IGSF10: variants seen among roughly 807,000 people sequenced by gnomAD.
IGSF10 encodes calvaria mechanical force protein 608.
Under a neutral mutation model 128.2 loss-of-function variants are expected in IGSF10, and 126 were observed. The observed-to-expected ratio is 0.98, with a 90% CI of 0.85 to 1.14. The LOEUF (loss-of-function observed/expected upper bound fraction) is 1.14. IGSF10 is among the 50% of genes most tolerant of loss of function. The probability of loss-of-function intolerance (pLI) is 0.00; values close to 1 mark genes in which losing one functional copy is unlikely to be tolerated. For missense variants in IGSF10, 3,295 were observed against 3,149.8 expected, an observed-to-expected ratio of 1.05 and a Z score of -1.10; for synonymous variants, 1,185 against 1,146.2, an observed-to-expected ratio of 1.03 and a Z score of -0.68.
the IGSF10 span, among the ~76,000 whole-genome samples, chr3:151,533,667 AG>A: frequency 6.6e-6 from 1 of 152,216 alleles, no homozygotes; most frequent in Non-Finnish European, 1.5e-5. Context: ...GATAGATTAA[AG>A]ACTTACACGT....
chr3:151,449,269 GA>G lies in IGSF10; in HGVS notation c.716-5del, dbSNP rs759392335. On this transcript the variant is annotated splice_region_variant and splice_polypyrimidine_tract_variant and intron_variant, in intron 5 of 7. Transcript: ENST00000282466. ...TCTTTTTTGCATTTTATTACATCTG[GA>G]AAAAAATCACAATTGAATTATCAGT... 6.4e-6 allele frequency: 10 copies of G among 1,556,934 alleles called. No homozygotes were observed. The highest frequency in any genetic ancestry group is 1.7e-4 in the Middle Eastern group (1 of 5,826).
At chr3:151,459,170 A>G (rs965779500) in intron 2 of IGSF10, among the ~76,000 whole-genome samples, 1 of 152,236 alleles carries the variant, frequency 6.6e-6, no homozygotes, top group Non-Finnish European at 1.5e-5. Flanking sequence ...AAGGAAAAAA[A>G]TTACTCAATC....
At chr3:151,496,204 AT>A in the IGSF10 span, among the ~76,000 whole-genome samples, 2 of 150,500 alleles carry the variant, frequency 1.3e-5, no homozygotes, top group African/African-American at 2.5e-5. Flanking sequence ...CTGAAGCAGT[AT>A]TTTTTTTTAT....
rs748186005 is a variant in IGSF10 at position 151,453,760 on chromosome 3, G to A, written c.339C>T (p.Ser113=). 4.5e-6 allele frequency: 7 copies of A among 1,541,294 alleles called. No homozygotes were observed. The South Asian group carries it at 8.6e-5, about 19-fold the overall frequency. ...DLQALQVLKM[S]YNKVRKLQKD... Reference sequence around the variant, plus strand: ...TCTGAAGTTTTCGGACTTTATTATAGCTCATTTTTAAGACCTATGAATTAA... The same window carrying A: ...TCTGAAGTTTTCGGACTTTATTATAACTCATTTTTAAGACCTATGAATTAA... Residue 113 remains serine (S), a synonymous_variant, in exon 5 of 8, where the codon AGC becomes AGT. Transcript: ENST00000282466.
chr3:151,448,141 C>A lies in IGSF10; in HGVS notation c.1840G>T (p.Val614Leu), dbSNP rs140221752. The A allele has an allele frequency of 6.2e-6, 10 of 1,613,998 alleles. No individual in the cohort carries two copies. The African/African-American group carries it at 1.3e-4, about 22-fold the overall frequency. Residue 614 changes from valine to leucine, a missense_variant, in exon 6 of 8, where the codon GTG (valine) becomes TTG (leucine). Transcript: ENST00000282466. ...SISWVIPGNN[V>L]LYQSSRDKKV... The stretch of plus-strand genomic sequence containing the variant: ...TTGTCTCTTGATGACTGATAGAGCA[C>A]ATTGTTTCCTGGAATAACCCAGCTA...
the IGSF10 span, among the ~76,000 whole-genome samples, chr3:151,484,061 C>T: frequency 2.0e-5 from 3 of 152,220 alleles, no homozygotes; most frequent in African/African-American, 4.8e-5. Context: ...GCTTGAAATT[C>T]TCATGCCAGC....
chr3:151,468,910 C>G, the IGSF10 span, among the ~76,000 whole-genome samples: 1 of 152,086 alleles, frequency 6.6e-6, no homozygotes. Context: ...TGCCTAGGCC[C>G]CAGTGTATGT....
chr3:151,547,429 T>TACACAC, the IGSF10 span, among the ~76,000 whole-genome samples: 1,113 of 146,942 alleles, frequency 7.6e-3, 12 homozygotes, highest in African/African-American at 0.026. Context: ...AATATATATA[T>TACACAC]ACACACACAC....
the IGSF10 span, among the ~76,000 whole-genome samples, chr3:151,590,008 A>C: frequency 1.3e-5 from 2 of 152,064 alleles, no homozygotes; most frequent in Non-Finnish European, 2.9e-5. Context: ...TTTTGGGAAA[A>C]AGAGTGAATG....
At chr3:151,614,340 T>A in the IGSF10 span, among the ~76,000 whole-genome samples, 8 of 152,198 alleles carry the variant, frequency 5.3e-5, no homozygotes, top group African/African-American at 1.9e-4. Context: ...CAAAGGACTA[T>A]AAATCATGCT....
chr3:151,546,186 A>T, the IGSF10 span, among the ~76,000 whole-genome samples: 1 of 151,988 alleles, frequency 6.6e-6, no homozygotes, highest in Admixed American at 6.6e-5. Flanking sequence ...CATTAAGCAA[A>T]AATCTCTGTT....
the IGSF10 span, among the ~76,000 whole-genome samples, chr3:151,602,226 A>T: frequency 6.6e-6 from 1 of 152,212 alleles, no homozygotes; most frequent in Non-Finnish European, 1.5e-5. Context: ...AGCATTCGAT[A>T]TCATTACATA....
chr3:151,556,977 A>T, the IGSF10 span, among the ~76,000 whole-genome samples: 29 of 152,228 alleles, frequency 1.9e-4, no homozygotes, highest in African/African-American at 7.0e-4. Context: ...TGTGAGGAAA[A>T]TGTTTATTTG....
intron 6 of IGSF10, 123 bp downstream of exon 6, chr3:151,444,796 A>T: frequency 1.2e-6 from 1 of 815,720 alleles, no homozygotes; most frequent in Non-Finnish European, 1.9e-6. Flanking sequence ...GGATATTAAT[A>T]GTTTCTTTGT....
the IGSF10 span, among the ~76,000 whole-genome samples, chr3:151,509,131 ACTTTAGAATCACAT>A: frequency 6.6e-6 from 1 of 152,210 alleles, no homozygotes; most frequent in Admixed American, 6.5e-5. Context: ...GTATCTGTTA[ACTTTAGAATCACAT>A]CATTTGGACT....
At chr3:151,476,890 TA>T in the IGSF10 span, among the ~76,000 whole-genome samples, 2 of 152,264 alleles carry the variant, frequency 1.3e-5, no homozygotes, top group South Asian at 2.1e-4. Flanking sequence ...TTAACCACCC[TA>T]GGAGTTGTGT....
At chr3:151,524,215 G>A in the IGSF10 span, among the ~76,000 whole-genome samples, 4 of 152,152 alleles carry the variant, frequency 2.6e-5, no homozygotes, top group Non-Finnish European at 5.9e-5. Context: ...GTGGAAAGAA[G>A]CATAGTGATT....
chr3:151,558,008 A>ATATATATTT, the IGSF10 span, among the ~76,000 whole-genome samples: 6 of 37,840 alleles, frequency 1.6e-4, no homozygotes, highest in Non-Finnish European at 2.7e-4. Flanking sequence ...TATATATAAT[A>ATATATATTT]TATATATATA....
At chr3:151,475,702 C>T in the IGSF10 span, 1 of 152,208 alleles carries the variant, frequency 6.6e-6, no homozygotes, top group Admixed American at 6.5e-5. Context: ...CTCTCTGAAT[C>T]TGCTGTGATT....
Sources: allele counts gnomAD v4.1 joint callset (sites outside exome capture counted in the v4.1 genomes callset), GRCh38; gene constraint gnomAD v4.1.1; transcripts MANE v1.5; gene names NCBI Gene and HGNC (gene_info 2026-07-23, HGNC 2026-07-21).